Variants in PAQR5 observed in about 807,000 individuals in gnomAD.
The protein encoded by PAQR5 is membrane progestin receptor gamma.
A neutral mutation model predicts 34.5 loss-of-function variants in PAQR5; 20 were observed. That is an observed-to-expected ratio of 0.58 (90% CI 0.41 to 0.84). PAQR5 has a LOEUF of 0.84. PAQR5 is among the 40% of genes least tolerant of loss of function. The pLI, the probability that PAQR5 is intolerant of heterozygous loss-of-function variation, is 0.00. For missense variants in PAQR5, 378 were observed against 412.7 expected (o/e 0.92, Z 0.73); for synonymous variants, 131 against 155.6 (o/e 0.84, Z 1.18).
Position 69,302,538 on chromosome 15 carries a change from G to A in PAQR5, c.-277+3482G>A, listed in dbSNP as rs528798464. On this transcript the variant is annotated intron_variant, in intron 1 of 8. Coordinates refer to ENST00000395407, the MANE Select transcript of PAQR5 (RefSeq NM_017705.4). ...CGAAGGCCAGGGCAAAGTGAGGGAT[G>A]TAGAAGAGTCACTGGCAGTGCCCTG... Among the ~76,000 whole-genome samples the A allele has an allele frequency of 8.5e-5, 13 of 152,332 alleles. No homozygotes were observed. The South Asian group carries it at 2.7e-3, about 32-fold the overall frequency.
At position 69,403,866 on chromosome 15, in the gene PAQR5, C is replaced by T; in HGVS notation, c.*44C>T. 2 of 1,599,688 alleles carry T rather than the reference C, an allele frequency of 1.3e-6. No individual in the cohort carries two copies. Among genetic ancestry groups the T allele is most frequent in the East Asian group, 2.2e-5 (1 of 44,776 alleles). The stretch of plus-strand genomic sequence containing the variant: ...CATGCCAGATGTCAACATTAAGCTG[C>T]AACATCCTAACCACCATAAGCCGGA... On this transcript the variant is annotated 3_prime_UTR_variant, in exon 9 of 9. Transcript: ENST00000395407.
chr15:69,312,547 CG>C (rs2053855643), intron 1 of PAQR5, among the ~76,000 whole-genome samples: 2 of 151,496 alleles, frequency 1.3e-5, no homozygotes, highest in Non-Finnish European at 2.9e-5. Flanking sequence ...GTCACAGCAG[CG>C]GGGGAACTTC....
chr15:69,334,279 C>T (rs370047419), intron 1 of PAQR5, among the ~76,000 whole-genome samples: 20 of 152,296 alleles, frequency 1.3e-4, no homozygotes, highest in African/African-American at 3.6e-4. Flanking sequence ...CCACCCACCT[C>T]GGCCTTCCAA....
intron 1 of PAQR5, among the ~76,000 whole-genome samples, chr15:69,303,439 A>G (rs1555411508): frequency 1.3e-5 from 2 of 152,066 alleles, no homozygotes. Context: ...CCAGACCTCC[A>G]TCCTCAAAGA....
In PAQR5 at chr15:69,388,928, A is replaced by T. The variant is rs73442855; in HGVS notation, c.386-726A>T. Among the ~76,000 whole-genome samples the T allele has an allele frequency of 4.2e-3, 644 of 152,320 alleles. 4 individuals are homozygous for T. Among genetic ancestry groups the T allele is most frequent in the African/African-American group, 0.015 (608 of 41,564 alleles). ...AGGTCCAGGCCCATCTCCCCAGCTG[A>T]AGCACACCTGGCCCCTTTGAAAAGG... On this transcript the variant is annotated intron_variant, in intron 5 of 8. Transcript: ENST00000395407.
chr15:69,366,996 C>T (rs182739050), intron 3 of PAQR5, among the ~76,000 whole-genome samples: 61 of 152,098 alleles, frequency 4.0e-4, no homozygotes, highest in Admixed American at 1.0e-3. Context: ...TGTAACTACT[C>T]TAGCTTTTGT....
chr15:69,367,954 C>A (rs1287246271), intron 3 of PAQR5, among the ~76,000 whole-genome samples: 5 of 152,120 alleles, frequency 3.3e-5, no homozygotes, highest in Admixed American at 6.5e-5. Flanking sequence ...TAACTAGTGC[C>A]CGTTGGCCAA....
At chr15:69,317,932 C>T (rs928427672) in intron 1 of PAQR5, among the ~76,000 whole-genome samples, 2 of 152,220 alleles carry the variant, frequency 1.3e-5, no homozygotes, top group African/African-American at 4.8e-5. Context: ...AAAGCAAGTC[C>T]TCAGCCTCTT....
At chr15:69,376,719 T>A (rs908902118) in intron 3 of PAQR5, among the ~76,000 whole-genome samples, 3 of 152,248 alleles carry the variant, frequency 2.0e-5, no homozygotes, top group Admixed American at 1.3e-4. Context: ...GCAGGTTTTT[T>A]TAATCTGGGC....
In PAQR5 at chr15:69,403,910, T is replaced by C. The variant is rs1394415; in HGVS notation, c.*88T>C. 1,306,937 of 1,396,354 alleles carry C rather than the reference T, an allele frequency of 0.94. 618,142 individuals are homozygous for C. The highest frequency in any genetic ancestry group is 0.97 in the Non-Finnish European group (997,234 of 1,024,324). 86.5% of individuals were successfully genotyped at this position (1,396,354 alleles called of 1,614,324 possible). On this transcript the variant is annotated 3_prime_UTR_variant, in exon 9 of 9. Transcript: ENST00000395407. Reference sequence around the variant, plus strand: ...AGCCGGAGGTGGTTACAGCTTATCATGGCCTAAAATATTCATAATGGTTGG... The same window carrying C: ...AGCCGGAGGTGGTTACAGCTTATCACGGCCTAAAATATTCATAATGGTTGG...
intron 1 of PAQR5, among the ~76,000 whole-genome samples, chr15:69,319,981 C>T (rs189965656): frequency 2.2e-4 from 33 of 152,346 alleles, no homozygotes; most frequent in African/African-American, 6.5e-4. Flanking sequence ...AGCTTTATCT[C>T]AGACTTCAAG....
chr15:69,332,229 A>G (rs538252168), intron 1 of PAQR5, among the ~76,000 whole-genome samples: 1 of 152,280 alleles, frequency 6.6e-6, no homozygotes, highest in African/African-American at 2.4e-5. Flanking sequence ...TGTAATGGAG[A>G]GAGGGGTATC....
chr15:69,322,726 A>AGGG lies in PAQR5; in HGVS notation c.-276-14615_-276-14614insGGG, dbSNP rs1566997662. Among the ~76,000 whole-genome samples, 37 of 26,124 alleles carry AGGG rather than the reference A, an allele frequency of 1.4e-3. 2 individuals are homozygous for AGGG. Among genetic ancestry groups the AGGG allele is most frequent in the Non-Finnish European group, 2.3e-3 (28 of 12,158 alleles). 17.1% of individuals were successfully genotyped at this position (26,124 alleles called of 152,430 possible). A position where few individuals can be genotyped will look rare whatever the true frequency, so the allele number is the denominator to read the frequency against. ...GAAGAAGAAGAAGAAGAAGAAGAAG[A>AGGG]AGAAGAAGAAGAAGAAGAAGAAGAA... On this transcript the variant is annotated intron_variant, in intron 1 of 8. Transcript: ENST00000395407.
intron 1 of PAQR5, among the ~76,000 whole-genome samples, chr15:69,325,984 T>A (rs2054242241): frequency 6.6e-6 from 1 of 152,168 alleles, no homozygotes; most frequent in Non-Finnish European, 1.5e-5. Context: ...TGAAAGCCAC[T>A]TTTCTCTCCC....
At chr15:69,303,819 C>T (rs2053657039) in intron 1 of PAQR5, among the ~76,000 whole-genome samples, 1 of 152,152 alleles carries the variant, frequency 6.6e-6, no homozygotes, top group Non-Finnish European at 1.5e-5. Flanking sequence ...GCTCAGCACG[C>T]CCCCCACAGA....
At chr15:69,375,558 G>A (rs923197272) in intron 3 of PAQR5, among the ~76,000 whole-genome samples, 2 of 152,182 alleles carry the variant, frequency 1.3e-5, no homozygotes, top group Admixed American at 6.5e-5. Flanking sequence ...CAGGCGATAA[G>A]GGTTTTATCT....
chr15:69,402,030 A>C (rs567068961), intron 8 of PAQR5, among the ~76,000 whole-genome samples: 1 of 151,960 alleles, frequency 6.6e-6, no homozygotes, highest in African/African-American at 2.4e-5. Flanking sequence ...CACCATGCCC[A>C]GCCTTTTTAT....
At chr15:69,303,235 A>T (rs2053643514) in intron 1 of PAQR5, among the ~76,000 whole-genome samples, 1 of 152,186 alleles carries the variant, frequency 6.6e-6, no homozygotes, top group African/African-American at 2.4e-5. Flanking sequence ...TTTCCTAATT[A>T]GACTCAAGTT....
rs2056728623 is a variant in PAQR5 at position 69,404,679 on chromosome 15, AT to A, written c.*860del. 1 of 347,488 alleles carries A rather than the reference AT, an allele frequency of 2.9e-6. No homozygotes were observed. The highest frequency in any genetic ancestry group is 4.3e-5 in the East Asian group (1 of 23,140). 21.5% of individuals were successfully genotyped at this position (347,488 alleles called of 1,614,324 possible). On this transcript the variant is annotated 3_prime_UTR_variant, in exon 9 of 9. Transcript: ENST00000395407. ...ATTGCTATATTTGGGGATGTCATAC[AT>A]TTGATATTGCTTCAGCATTTCAAAT...
Sources: gnomAD v4.1 joint callset for allele counts (sites outside exome capture counted in the v4.1 genomes callset) on GRCh38, gnomAD v4.1.1 for gene constraint, MANE v1.5 for transcripts, NCBI Gene and HGNC (gene_info 2026-07-23, HGNC 2026-07-21) for gene names.